The following ENPP6 variants were observed in gnomAD, a reference collection of about 807,000 sequenced individuals.
The protein encoded by ENPP6 is glycerophosphocholine cholinephosphodiesterase ENPP6.
In ENPP6, 32 loss-of-function variants were observed where a neutral mutation model predicts 42.0. The ratio of observed to expected loss-of-function variants is 0.76; its 90% CI spans 0.58 to 1.02. The LOEUF is 1.02. Ranked by LOEUF, ENPP6 falls within the 50% of genes least tolerant of loss-of-function variation. ENPP6 has a pLI of 0.00. For synonymous variants in ENPP6, 213 were observed against 216.0 expected, an observed-to-expected ratio of 0.99 and a Z score of 0.12; for missense variants, 552 against 566.8, an observed-to-expected ratio of 0.97 and a Z score of 0.27.
intron 2 of ENPP6, among the ~76,000 whole-genome samples, chr4:184,144,822 C>T (rs1736891087): frequency 6.6e-6 from 1 of 152,252 alleles, no homozygotes; most frequent in Non-Finnish European, 1.5e-5. Flanking sequence ...TTGAGAGCAA[C>T]AAGGTCTTCT....
chr4:184,104,146 G>GA (rs1736050445), intron 6 of ENPP6, among the ~76,000 whole-genome samples: 2 of 152,028 alleles, frequency 1.3e-5, no homozygotes, highest in Non-Finnish European at 2.9e-5. Context: ...CCCCACATCT[G>GA]ACTTTCTGAA....
chr4:184,099,515 C>T (rs1372561828), intron 6 of ENPP6, among the ~76,000 whole-genome samples: 1 of 152,198 alleles, frequency 6.6e-6, no homozygotes, highest in Non-Finnish European at 1.5e-5. Context: ...TCCGCAGATG[C>T]CCCTGGCCAT....
intron 6 of ENPP6, among the ~76,000 whole-genome samples, chr4:184,098,590 A>T (rs1306453286): frequency 1.3e-5 from 2 of 152,162 alleles, no homozygotes; most frequent in Non-Finnish European, 2.9e-5. Context: ...CAGGCTTCAC[A>T]GACCTTAATT....
chr4:184,201,960 T>A (rs1355180545), intron 1 of ENPP6, among the ~76,000 whole-genome samples: 1 of 78,446 alleles, frequency 1.3e-5, no homozygotes, highest in Non-Finnish European at 4.1e-5. Flanking sequence ...AGATTTTAAC[T>A]GTGCATCCGT....
chr4:184,146,023 C>CTTTTTTTTTTTTTTTTTT (rs70959175), intron 2 of ENPP6, among the ~76,000 whole-genome samples: 1 of 141,992 alleles, frequency 7.0e-6, no homozygotes, highest in African/African-American at 2.6e-5. Context: ...TTTTCTTTTT[C>CTTTTTTTTTTTTTTTTTT]TTTTTTTTTT....
intron 6 of ENPP6, among the ~76,000 whole-genome samples, chr4:184,110,861 G>A (rs186981300): frequency 1.6e-4 from 24 of 152,264 alleles, no homozygotes; most frequent in African/African-American, 5.1e-4. Context: ...GCGTCTTAAC[G>A]GATGCCTTGA....
intron 6 of ENPP6, among the ~76,000 whole-genome samples, chr4:184,099,374 G>C (rs752492888): frequency 1.3e-5 from 2 of 152,230 alleles, no homozygotes; most frequent in Non-Finnish European, 2.9e-5. Flanking sequence ...CTGGGATCTT[G>C]GCTGTTTCAC....
chr4:184,150,538 T>C (rs531136404), intron 2 of ENPP6, among the ~76,000 whole-genome samples: 15 of 152,314 alleles, frequency 9.8e-5, no homozygotes, highest in South Asian at 8.3e-4. Context: ...TGAGTGCTCA[T>C]TGGGCTATTG....
At position 184,117,866 on chromosome 4, in the gene ENPP6, C is replaced by T; in HGVS notation, c.568G>A (p.Glu190Lys). 2 of 1,614,216 alleles carry T rather than the reference C, an allele frequency of 1.2e-6. No individual in the cohort carries two copies. The highest frequency in any genetic ancestry group is 1.7e-6 in the Non-Finnish European group (2 of 1,180,052). Residue 190 changes from glutamate (E) to lysine (K), a missense_variant, in exon 4 of 8, where the codon GAG becomes AAG. Glu to Lys is a moderately conservative substitution (Grantham distance 56). Coordinates refer to ENST00000296741, the MANE Select transcript of ENPP6 (RefSeq NM_153343.4). ...TGGTGGCCTTCCACGTCAATGCGCT[C>T]ATGGTATATGGCTGCCAGGTCGGCC... ...GRADLAAIYH[E>K]RIDVEGHHYG...
At chr4:184,117,959 A>G in intron 3 of ENPP6, 59 bp from the exon 4 acceptor site, 1 of 1,577,672 alleles carries the variant, frequency 6.3e-7, no homozygotes, top group Non-Finnish European at 8.6e-7. Flanking sequence ...TTGCTCCCTT[A>G]TCACCCCCAT....
At chr4:184,131,140 ACTTTCTTTCTTTCTTTCTTTCTTTCTTT>A (rs1171459794) in intron 2 of ENPP6, among the ~76,000 whole-genome samples, 4 of 121,630 alleles carry the variant, frequency 3.3e-5, no homozygotes, top group African/African-American at 1.4e-4. Flanking sequence ...ACCAGCACTT[ACTTTCTTTCTTTCTTTCTTTCTTTCTTT>A]CTTTCTTTCT....
chr4:184,120,421 C>T (rs560021598), intron 3 of ENPP6, among the ~76,000 whole-genome samples: 230 of 152,114 alleles, frequency 1.5e-3, no homozygotes, highest in African/African-American at 4.7e-3. Flanking sequence ...CCCACTGTTC[C>T]GGCAGCCAAG....
At chr4:184,125,908 G>A (rs1476195218) in intron 2 of ENPP6, among the ~76,000 whole-genome samples, 1 of 152,152 alleles carries the variant, frequency 6.6e-6, no homozygotes, top group Non-Finnish European at 1.5e-5. Flanking sequence ...TCTGTTGAAG[G>A]TGATTTGTGA....
chr4:184,135,059 A>G (rs1736710398), intron 2 of ENPP6, among the ~76,000 whole-genome samples: 1 of 151,960 alleles, frequency 6.6e-6, no homozygotes, highest in African/African-American at 2.4e-5. Flanking sequence ...CAGTCAGAGG[A>G]CACATTCTGA....
chr4:184,092,458 G>A (rs754994821), intron 7 of ENPP6, among the ~76,000 whole-genome samples: 1 of 152,164 alleles, frequency 6.6e-6, no homozygotes, highest in Non-Finnish European at 1.5e-5. Flanking sequence ...CGAGAGTCAC[G>A]CAAGAACACA....
At chr4:184,200,193 C>T (rs1732868998) in intron 1 of ENPP6, among the ~76,000 whole-genome samples, 1 of 152,220 alleles carries the variant, frequency 6.6e-6, no homozygotes, top group South Asian at 2.1e-4. Flanking sequence ...CCCTTAGAGC[C>T]TCTGCCCATG....
At chr4:184,093,120 T>G (rs1735836169) in intron 7 of ENPP6, among the ~76,000 whole-genome samples, 1 of 152,172 alleles carries the variant, frequency 6.6e-6, no homozygotes, top group South Asian at 2.1e-4. Context: ...GCACCCAGCA[T>G]GCACTAGCTG....
chr4:184,182,990 G>A (rs1732580198), intron 1 of ENPP6, among the ~76,000 whole-genome samples: 1 of 152,170 alleles, frequency 6.6e-6, no homozygotes, highest in African/African-American at 2.4e-5. Flanking sequence ...TGCACATCCT[G>A]CACAAGTACC....
chr4:184,151,576 A>G (rs950613260), intron 2 of ENPP6, among the ~76,000 whole-genome samples: 3 of 152,156 alleles, frequency 2.0e-5, no homozygotes, highest in Non-Finnish European at 2.9e-5. Context: ...AAGTTCTAAG[A>G]TAGTGAAAGT....
Sources: allele counts gnomAD v4.1 joint callset (sites outside exome capture counted in the v4.1 genomes callset), GRCh38; gene constraint gnomAD v4.1.1; transcripts MANE v1.5; gene names NCBI Gene and HGNC (gene_info 2026-07-23, HGNC 2026-07-21).